ADPGK: variants seen among roughly 807,000 people sequenced by gnomAD.
ADPGK encodes the protein ADP dependent glucokinase, also known as ADP-dependent glucokinase.
A neutral mutation model predicts 42.4 loss-of-function variants in ADPGK; 26 were observed. The ratio of observed to expected loss-of-function variants is 0.61; its 90% CI spans 0.45 to 0.85. The LOEUF is 0.85. Ranked by LOEUF, ADPGK falls within the 40% of genes least tolerant of loss-of-function variation. The pLI is 0.00. For missense variants in ADPGK, 571 were observed against 627.0 expected, an observed-to-expected ratio of 0.91 and a Z score of 0.95; for synonymous variants, 267 against 252.6, an observed-to-expected ratio of 1.06 and a Z score of -0.54.
In ADPGK at chr15:72,775,116, CTG is replaced by C. The variant is rs746662131; in HGVS notation, c.234-21_234-20del. 14 of 1,606,526 alleles carry C rather than the reference CTG, an allele frequency of 8.7e-6. No homozygotes were observed. Among genetic ancestry groups the C allele is most frequent in the African/African-American group, 2.7e-5 (2 of 74,758 alleles). On this transcript the variant is annotated intron_variant, in intron 1 of 6. Transcript: ENST00000456471. Reference sequence around the variant, plus strand: ...ATTGACTCTAGAAGGAGGAAAAAAACTGTGTGAAAGCAGCAGAAGCACCAAGT... The same window carrying C: ...ATTGACTCTAGAAGGAGGAAAAAAACTGTGAAAGCAGCAGAAGCACCAAGT...
Position 72,752,485 on chromosome 15 carries a change from C to T in ADPGK, c.1350G>A (p.Lys450=), listed in dbSNP as rs770046972. The T allele has an allele frequency of 6.2e-7, 1 of 1,614,202 alleles. No homozygotes were observed. Among genetic ancestry groups the T allele is most frequent in the Non-Finnish European group, 8.5e-7 (1 of 1,180,038 alleles). The stretch of plus-strand genomic sequence containing the variant: ...CCTCTCTGTGCCATTCTACTACTGG[C>T]TTGTTTGGGTTTAATACAATCCTGG... ...AGSRIVLNPN[K]PVVEWHREGI... is the part of the protein sequence containing the mutation. The change falls in exon 7 of 7, where the codon AAG becomes AAA. Residue 450 remains lysine (K), a synonymous_variant. Coordinates refer to ENST00000456471, the MANE Select transcript of ADPGK (RefSeq NM_001365225.1).
At chr15:72,760,557 G>C (rs767918106) in intron 3 of ADPGK, 30 bp from the exon 4 acceptor site, 3 of 1,584,774 alleles carry the variant, frequency 1.9e-6, no homozygotes, top group Non-Finnish European at 2.6e-6. Flanking sequence ...AGTCCATCAG[G>C]AGCCCCGTTC....
intron 4 of ADPGK, chr15:72,758,417 AAG>A (rs2151073316): frequency 2.1e-6 from 1 of 483,754 alleles, no homozygotes; most frequent in East Asian, 3.8e-5. Flanking sequence ...GAGATCTGGT[AAG>A]AGAGAATGTG....
At chr15:72,756,929 T>C (rs2066122622) in intron 4 of ADPGK, 1 of 157,890 alleles carries the variant, frequency 6.3e-6, no homozygotes, top group Non-Finnish European at 1.4e-5. Flanking sequence ...CCAAGCTCAC[T>C]GCATCTCCTC....
intron 1 of ADPGK, among the ~76,000 whole-genome samples, chr15:72,779,553 C>T (rs1167929242): frequency 6.6e-6 from 1 of 152,074 alleles, no homozygotes; most frequent in Non-Finnish European, 1.5e-5. Flanking sequence ...CGGGTTTCAT[C>T]ATTTTTAAAC....
At position 72,783,484 on chromosome 15, in the gene ADPGK, G is replaced by A. The variant is rs2066495148; in HGVS notation, c.208C>T (p.Arg70Trp). The change falls in exon 1 of 7, where the codon CGG becomes TGG. Residue 70 changes from arginine to tryptophan, a missense_variant. Physicochemically the swap from Arg to Trp is moderately radical, Grantham distance 101. This residue lies in a region of ADPGK where 137 missense variants were observed against 104.2 expected (regional missense o/e 1.31). Coordinates refer to ENST00000456471, the MANE Select transcript of ADPGK (RefSeq NM_001365225.1). The stretch of plus-strand genomic sequence containing the variant: ...CCCACTGCCACGCGGCGCCAGCGCC[G>A]GACTGGCCGCACGATAAGCGCGTCC... ...AWDALIVRPV[R>W]RWRRVAVGVN... 7.1e-7 allele frequency: 1 copy of A among 1,418,052 alleles called. No homozygotes were observed. The highest frequency in any genetic ancestry group is 2.9e-5 in the East Asian group (1 of 33,912). 87.8% of individuals were successfully genotyped at this position (1,418,052 alleles called of 1,614,324 possible). A position where few individuals can be genotyped will look rare whatever the true frequency, so the allele number is the denominator to read the frequency against.
intron 3 of ADPGK, among the ~76,000 whole-genome samples, chr15:72,765,951 T>A (rs2066252952): frequency 6.6e-6 from 1 of 152,220 alleles, no homozygotes; most frequent in South Asian, 2.1e-4. Context: ...GCAGGAAGGT[T>A]TGAGAGGACT....
intron 6 of ADPGK, among the ~76,000 whole-genome samples, chr15:72,754,008 G>T (rs1348495680): frequency 6.6e-6 from 1 of 151,818 alleles, no homozygotes; most frequent in Non-Finnish European, 1.5e-5. Flanking sequence ...TGTGTGTGAG[G>T]GGACTGGAAG....
At chr15:72,779,723 T>G (rs1448576918) in intron 1 of ADPGK, among the ~76,000 whole-genome samples, 1 of 152,158 alleles carries the variant, frequency 6.6e-6, no homozygotes, top group Admixed American at 6.5e-5. Context: ...CTTTACCATT[T>G]TTACCTTCTC....
rs2066063018 is a variant in ADPGK, at chr15:72,752,717, G to A, written c.1118C>T (p.Ala373Val). The change falls in exon 7 of 7, where the codon GCC (alanine) becomes GTC (valine). Residue 373 changes from alanine to valine, a missense_variant. Physicochemically the swap from Ala to Val is moderately conservative, Grantham distance 64. Coordinates refer to ENST00000456471, the MANE Select transcript of ADPGK (RefSeq NM_001365225.1). ...LKEHGRSKSR[A>V]SDLTRIHFHT... ...GAAATGGATCCTGGTGAGATCCGAG[G>A]CTCTGCTTTTACTCCTCCCATGTTC... is the stretch of plus-strand genomic sequence containing the variant. The A allele has an allele frequency of 6.2e-7, 1 of 1,614,076 alleles. No individual in the cohort carries two copies. Among genetic ancestry groups the A allele is most frequent in the Non-Finnish European group, 8.5e-7 (1 of 1,180,044 alleles).
Position 72,783,560 on chromosome 15 carries a change from C to A in ADPGK, c.132G>T (p.Ala44=). 6.7e-7 allele frequency: 1 copy of A among 1,499,584 alleles called. No individual in the cohort carries two copies. The allele number at this position is 1,499,584 out of a possible 1,614,324, so 92.9% of individuals were successfully genotyped here. A position where few individuals can be genotyped will look rare whatever the true frequency, so the allele number is the denominator to read the frequency against. ...SLWSSLCLGP[A]PAPPGPVSPE... ...GGGAGACGGGTCCCGGGGGCGCAGG[C>A]GCGGGCCCCAGACACAGCGAGCTCC... Residue 44 remains alanine, a synonymous_variant, in exon 1 of 7, where the codon GCG becomes GCT. Transcript: ENST00000456471.
At chr15:72,756,200 T>C in intron 5 of ADPGK, 51 bp downstream of exon 5, 1 of 1,606,334 alleles carries the variant, frequency 6.2e-7, no homozygotes, top group African/African-American at 1.3e-5. Flanking sequence ...GGCTGGAACC[T>C]GAAGAAAACC....
intron 3 of ADPGK, among the ~76,000 whole-genome samples, chr15:72,769,826 G>T (rs1192174927): frequency 1.3e-5 from 2 of 152,094 alleles, no homozygotes; most frequent in Non-Finnish European, 2.9e-5. Flanking sequence ...ATTTTCACCA[G>T]TTTTAACTTC....
At chr15:72,758,267 T>C (rs573144269) in intron 4 of ADPGK, 291 of 797,320 alleles carry the variant, frequency 3.6e-4, no homozygotes, top group Admixed American at 6.2e-4. Flanking sequence ...CGCCCCTCTT[T>C]CCTCACAAAG....
At chr15:72,765,155 C>CT (rs199824004) in intron 3 of ADPGK, among the ~76,000 whole-genome samples, 338 of 151,536 alleles carry the variant, frequency 2.2e-3, no homozygotes, top group African/African-American at 7.7e-3. Flanking sequence ...GTTATTTTGA[C>CT]TTTTTTTTTG....
At chr15:72,769,894 G>A (rs2066308401) in intron 3 of ADPGK, among the ~76,000 whole-genome samples, 1 of 152,072 alleles carries the variant, frequency 6.6e-6, no homozygotes, top group Non-Finnish European at 1.5e-5. Flanking sequence ...TTCCCTTATA[G>A]GGCCCTATGA....
chr15:72,769,003 G>A (rs2066295741), intron 3 of ADPGK, among the ~76,000 whole-genome samples: 1 of 151,714 alleles, frequency 6.6e-6, no homozygotes, highest in African/African-American at 2.4e-5. Context: ...TGAAGAGGGG[G>A]AAACACTTTC....
Position 72,760,463 on chromosome 15 carries a change from G to A in ADPGK, c.587C>T (p.Pro196Leu). 6.2e-7 allele frequency: 1 copy of A among 1,610,792 alleles called. No individual in the cohort carries two copies. The highest frequency in any genetic ancestry group is 8.5e-7 in the Non-Finnish European group (1 of 1,177,510). ...HELLDDNVFV[P>L]PESLQEVDEF... ...ATCCACTTCCTGCAATGACTCTGGT[G>A]GAACAAAGACATTGTCATCAAGAAG... The change falls in exon 4 of 7, where the codon CCA becomes CTA. Residue 196 changes from proline (P) to leucine (L), a missense_variant. By Grantham distance (98) the Pro-to-Leu change is moderately conservative. Transcript: ENST00000456471.
At chr15:72,756,924 C>G (rs1206372921) in intron 4 of ADPGK, 1 of 158,346 alleles carries the variant, frequency 6.3e-6, no homozygotes, top group East Asian at 1.8e-4. Context: ...AACAGCCAAG[C>G]TCACTGCATC....
Sources: allele counts gnomAD v4.1 joint callset (sites outside exome capture counted in the v4.1 genomes callset), GRCh38; gene constraint gnomAD v4.1.1; regional missense constraint gnomAD v4.1.1; transcripts MANE v1.5; gene names NCBI Gene and HGNC (gene_info 2026-07-23, HGNC 2026-07-21).